SPIRE2: variants seen among roughly 807,000 people sequenced by gnomAD.
SPIRE2 encodes protein spire homolog 2.
Under a neutral mutation model 80.7 loss-of-function variants are expected in SPIRE2, and 76 were observed. The ratio of observed to expected loss-of-function variants is 0.94; its 90% confidence interval spans 0.78 to 1.14. The LOEUF (loss-of-function observed/expected upper bound fraction) is 1.14. Among genes scored for constraint, SPIRE2 ranks in the 50% most tolerant of loss-of-function variants. The probability of loss-of-function intolerance (pLI) is 0.00; values close to 1 mark genes in which losing one functional copy is unlikely to be tolerated. For synonymous variants in SPIRE2, 535 were observed against 432.6 expected (o/e 1.24, Z -2.94); for missense variants, 1,196 against 1,015.3 (o/e 1.18, Z -2.42).
At chr16:89,845,102 C>T (rs772687707) in intron 1 of SPIRE2, among the ~76,000 whole-genome samples, 2 of 152,196 alleles carry the variant, frequency 1.3e-5, no homozygotes, top group African/African-American at 2.4e-5. Flanking sequence ...CTTGCTCTCC[C>T]GGCCCCTGTA....
chr16:89,850,695 G>T, intron 3 of SPIRE2, 35 bp downstream of exon 3: 1 of 1,369,724 alleles, frequency 7.3e-7, no homozygotes, highest in Non-Finnish European at 9.6e-7. Flanking sequence ...TGGAGGGTCC[G>T]GGAGGCCAGG....
At chr16:89,849,890 T>A (rs1014387899) in intron 2 of SPIRE2, 1 of 331,566 alleles carries the variant, frequency 3.0e-6, no homozygotes, top group South Asian at 2.4e-5. Context: ...CAGGCTGGAG[T>A]GCAGAGGCCC....
At position 89,863,859 on chromosome 16, in the gene SPIRE2, G is replaced by A. The variant is rs747235104; in HGVS notation, c.1776G>A (p.Lys592=). 1.7e-5 allele frequency: 27 copies of A among 1,613,052 alleles called. No homozygotes were observed. In the African/African-American group the frequency reaches 3.5e-4, roughly 21 times the overall value. The change falls in exon 12 of 15, where the codon AAG becomes AAA. Residue 592 remains lysine, a splice_region_variant and synonymous_variant. Coordinates refer to ENST00000378247, the MANE Select transcript of SPIRE2 (RefSeq NM_032451.2). The surrounding 1 kb of genome is among the most constrained non-coding windows in gnomAD (Gnocchi z 4.3). ...GGCCGCCCAGCTGTCTCTTCTGCAAGAGGTGAGCCTTCCCTTTAGCTGTCA... is the reference window on the plus strand; with the variant it reads ...GGCCGCCCAGCTGTCTCTTCTGCAAAAGGTGAGCCTTCCCTTTAGCTGTCA... ...FSWPPSCLFC[K]RAVCTSCSIK...
In SPIRE2 at chr16:89,828,937, C is replaced by A; in HGVS notation, c.244+143C>A. 1.9e-6 allele frequency: 1 copy of A among 522,554 alleles called. No homozygotes were observed. Among genetic ancestry groups the A allele is most frequent in the Non-Finnish European group, 2.7e-6 (1 of 365,666 alleles). 32.4% of individuals were successfully genotyped at this position (522,554 alleles called of 1,614,324 possible). On this transcript the variant is annotated intron_variant, in intron 1 of 14. Transcript: ENST00000378247. This position sits in a 1 kb window ranked among gnomAD's most constrained non-coding sequence, Gnocchi z 5.9. ...TTCTCTGCGGGACCCGGAGCTCCCT[C>A]CCTCCCACTCTCCGTCCCTCTTTCC...
intron 2 of SPIRE2, chr16:89,850,085 C>T: frequency 2.9e-6 from 2 of 678,356 alleles, no homozygotes; most frequent in South Asian, 1.5e-5. Flanking sequence ...ATCCGCCCGC[C>T]TCGGCCTCCC....
At chr16:89,865,300 C>G (rs2041779778) in intron 12 of SPIRE2, among the ~76,000 whole-genome samples, 1 of 152,182 alleles carries the variant, frequency 6.6e-6, no homozygotes, top group African/African-American at 2.4e-5. Context: ...GCCACCGCGC[C>G]TGGCCAGAAG....
At chr16:89,857,257 C>T (rs935591528) in intron 7 of SPIRE2, among the ~76,000 whole-genome samples, 1 of 151,566 alleles carries the variant, frequency 6.6e-6, no homozygotes, top group Non-Finnish European at 1.5e-5. Flanking sequence ...CCACCTCAGC[C>T]TCTCGAGTAG....
At chr16:89,845,777 G>A (rs976594739) in intron 2 of SPIRE2, 31 of 595,208 alleles carry the variant, frequency 5.2e-5, no homozygotes, top group African/African-American at 4.3e-4. Flanking sequence ...GAACCTCACC[G>A]CAGGGCAGGG....
At chr16:89,833,515 G>T (rs971877124) in intron 1 of SPIRE2, among the ~76,000 whole-genome samples, 1 of 152,248 alleles carries the variant, frequency 6.6e-6, no homozygotes, top group Admixed American at 6.5e-5. Context: ...TCAGGGGCAG[G>T]TTCAGCTCAG....
chr16:89,869,054 A>AACAAACATATATATATGTATG (rs1491145682), intron 13 of SPIRE2, among the ~76,000 whole-genome samples: 1 of 48,470 alleles, frequency 2.1e-5, no homozygotes, highest in African/African-American at 1.0e-4. Context: ...AAAAAAAAAA[A>AACAAACATATATATATGTATG]TATATATATA....
Position 89,859,194 on chromosome 16 carries a change from G to C in SPIRE2, c.1302G>C (p.Thr434=). 1 of 1,596,188 alleles carries C rather than the reference G, an allele frequency of 6.3e-7. No homozygotes were observed. Among genetic ancestry groups the C allele is most frequent in the Non-Finnish European group, 8.5e-7 (1 of 1,170,450 alleles). The change falls in exon 9 of 15, where the codon ACG becomes ACC. Residue 434 remains threonine, a synonymous_variant. Transcript: ENST00000378247. The part of the protein sequence containing the change: ...EEEESPCGEV[T]LKRDRSFSEH... ...AAGAGTCTCCGTGTGGGGAGGTGAC[G>C]CTGAAACGGGACCGCTCCTTCTCAG...
chr16:89,859,385 C>T, intron 9 of SPIRE2, 31 bp downstream of exon 9: 1 of 1,378,326 alleles, frequency 7.3e-7, no homozygotes, highest in Admixed American at 2.6e-5. Context: ...CCGTACCCTC[C>T]TTCGCCCCCA....
chr16:89,839,242 C>T (rs1432360330), intron 1 of SPIRE2, among the ~76,000 whole-genome samples: 2 of 151,956 alleles, frequency 1.3e-5, no homozygotes, highest in South Asian at 2.1e-4. Flanking sequence ...GGCGTGGTGG[C>T]GGGCGCCTGT....
rs2041481883 is a variant in SPIRE2, at chr16:89,839,384, A to AC, written c.245-5938_245-5937insC. 5.3e-5 allele frequency among the ~76,000 whole-genome samples: 8 copies of AC among 151,366 alleles called. No homozygotes were observed. The South Asian group carries it at 1.7e-3, about 32-fold the overall frequency. ...GCGAGACTCCATCTCAAAAAAAAAA[A>AC]AAAAACTGTTAGGGATGTCATGGGT... On this transcript the variant is annotated intron_variant, in intron 1 of 14. Coordinates refer to ENST00000378247, the MANE Select transcript of SPIRE2 (RefSeq NM_032451.2).
chr16:89,849,571 C>T (rs2041601511), intron 2 of SPIRE2, among the ~76,000 whole-genome samples: 1 of 152,208 alleles, frequency 6.6e-6, no homozygotes, highest in Admixed American at 6.5e-5. Context: ...TGTCCATCGA[C>T]CTCCTGTGTC....
chr16:89,854,718 T>G (rs12599205), intron 5 of SPIRE2, 67 bp downstream of exon 5: 109,481 of 1,460,586 alleles, frequency 0.075, 5,514 homozygotes, highest in African/African-American at 0.18. Flanking sequence ...CGGACGCAGA[T>G]GAGCAGCCTG....
At chr16:89,851,846 C>G (rs1311434221) in intron 3 of SPIRE2, among the ~76,000 whole-genome samples, 1 of 152,100 alleles carries the variant, frequency 6.6e-6, no homozygotes, top group Non-Finnish European at 1.5e-5. Context: ...GTCTGTCATT[C>G]CTCCCTGACC....
chr16:89,849,733 G>A (rs1055186042), intron 2 of SPIRE2: 4 of 239,662 alleles, frequency 1.7e-5, no homozygotes, highest in East Asian at 1.4e-4. Context: ...GGTGCCCTTC[G>A]TGGTAGATTA....
Position 89,860,742 on chromosome 16 carries a change from T to G in SPIRE2, c.1522T>G (p.Ser508Ala). ...SHPLLSNRGS[S>A]GDRPEASMTP... ...CCCCCTACTCAGCAACCGGGGCTCC[T>G]CGGGGGACAGACCCGAGGCCTCCAT... Residue 508 changes from serine to alanine, a missense_variant, in exon 10 of 15, where the codon TCG becomes GCG. Coordinates refer to ENST00000378247, the MANE Select transcript of SPIRE2 (RefSeq NM_032451.2). The G allele has an allele frequency of 6.3e-7, 1 of 1,586,534 alleles. No homozygotes were observed. The highest frequency in any genetic ancestry group is 8.6e-7 in the Non-Finnish European group (1 of 1,167,238).
Sources: allele counts gnomAD v4.1 joint callset (sites outside exome capture counted in the v4.1 genomes callset), GRCh38; gene constraint gnomAD v4.1.1; non-coding constraint Gnocchi (gnomAD v3.1); transcripts MANE v1.5; gene names NCBI Gene and HGNC (gene_info 2026-07-23, HGNC 2026-07-21).